Variants in CERS6 observed in about 807,000 individuals in gnomAD.
CERS6 encodes LAG1 homolog, ceramide synthase 6.
A neutral mutation model predicts 56.8 loss-of-function variants in CERS6; 26 were observed. The ratio of observed to expected loss-of-function variants is 0.46; its 90% CI spans 0.34 to 0.63. The LOEUF (loss-of-function observed/expected upper bound fraction) is 0.63, where lower values mean the gene tolerates loss of function less well. CERS6 is among the 30% of genes least tolerant of loss of function. The pLI, the probability that CERS6 is intolerant of heterozygous loss-of-function variation, is 0.01. For missense variants in CERS6, 415 were observed against 467.5 expected (o/e 0.89, Z 1.04); for synonymous variants, 164 against 173.3 (o/e 0.95, Z 0.42).
chr2:168,747,291 A>T (rs1038426169), intron 8 of CERS6, among the ~76,000 whole-genome samples: 1 of 147,660 alleles, frequency 6.8e-6, no homozygotes, highest in South Asian at 2.2e-4. Context: ...GTCTCAACAA[A>T]TTTTTTTTTT....
At chr2:168,595,418 TGAATGTTGAGACACTTTGGG>T (rs1331982610) in intron 3 of CERS6, among the ~76,000 whole-genome samples, 1 of 152,188 alleles carries the variant, frequency 6.6e-6, no homozygotes, top group East Asian at 1.9e-4. Flanking sequence ...AAGGTTAGAT[TGAATGTTGAGACACTTTGGG>T]GAGTGTAAAA....
chr2:168,723,869 A>C (rs954457432), intron 8 of CERS6, among the ~76,000 whole-genome samples: 1 of 152,210 alleles, frequency 6.6e-6, no homozygotes. Flanking sequence ...CCGTAATTAC[A>C]TATCTTTTTG....
chr2:168,568,617 A>T (rs902094920), intron 3 of CERS6, among the ~76,000 whole-genome samples: 11 of 152,230 alleles, frequency 7.2e-5, no homozygotes, highest in Non-Finnish European at 1.5e-5. Context: ...CTTACACATC[A>T]TGTGTGTCTG....
intron 6 of CERS6, among the ~76,000 whole-genome samples, chr2:168,697,075 C>T (rs1686670207): frequency 6.6e-6 from 1 of 152,148 alleles, no homozygotes; most frequent in Admixed American, 6.5e-5. Context: ...AGTCTGTGGG[C>T]CTACTACTAC....
chr2:168,744,000 T>C (rs1356929510), intron 8 of CERS6, among the ~76,000 whole-genome samples: 28 of 129,150 alleles, frequency 2.2e-4, no homozygotes, highest in Non-Finnish European at 3.0e-4. Context: ...TTTTTCTTTT[T>C]TTTTTTTTTT....
intron 3 of CERS6, among the ~76,000 whole-genome samples, chr2:168,582,759 T>C (rs1683448801): frequency 6.6e-6 from 1 of 152,210 alleles, no homozygotes; most frequent in African/African-American, 2.4e-5. Context: ...TGCAGTTTAC[T>C]GAAATTGCAT....
intron 4 of CERS6, among the ~76,000 whole-genome samples, chr2:168,649,539 G>A (rs1183019468): frequency 1.3e-5 from 2 of 152,100 alleles, no homozygotes. Context: ...AGTATGCAGT[G>A]TCCAGAAATT....
At chr2:168,457,045 C>G (rs2105312871) in intron 1 of CERS6, among the ~76,000 whole-genome samples, 1 of 152,344 alleles carries the variant, frequency 6.6e-6, no homozygotes. Flanking sequence ...CAGCCAGGAA[C>G]GTTCCGGACG....
intron 3 of CERS6, among the ~76,000 whole-genome samples, chr2:168,614,134 T>G (rs1381002166): frequency 6.6e-6 from 1 of 152,254 alleles, no homozygotes; most frequent in African/African-American, 2.4e-5. Flanking sequence ...AAGAGCATCT[T>G]CTCAAATAGA....
chr2:168,743,995 C>CTTTTTTTTTTTTTT (rs58256507), intron 8 of CERS6, among the ~76,000 whole-genome samples: 17 of 63,372 alleles, frequency 2.7e-4, no homozygotes, highest in Admixed American at 6.9e-4. Flanking sequence ...TCTTTTTTTT[C>CTTTTTTTTTTTTTT]TTTTTTTTTT....
intron 7 of CERS6, 74 bp downstream of exon 7, chr2:168,715,203 G>A (rs2105389448): frequency 7.4e-7 from 1 of 1,354,590 alleles, no homozygotes; most frequent in Non-Finnish European, 1.0e-6. Context: ...TAGCTCTTCA[G>A]TGTTATGCTA....
chr2:168,735,291 CAA>C (rs879553595), intron 8 of CERS6, among the ~76,000 whole-genome samples: 6 of 133,994 alleles, frequency 4.5e-5, no homozygotes, highest in Admixed American at 7.4e-5. Flanking sequence ...CACACCCCTG[CAA>C]AAAAAAAAAA....
intron 1 of CERS6, 50 bp from the exon 2 acceptor site, chr2:168,547,546 T>C (rs765931883): frequency 4.3e-6 from 5 of 1,162,652 alleles, no homozygotes; most frequent in Non-Finnish European, 6.3e-6. Context: ...AAGAATCACA[T>C]AGAAAGAATA....
intron 8 of CERS6, among the ~76,000 whole-genome samples, chr2:168,732,257 A>G (rs1450278684): frequency 6.6e-6 from 1 of 152,200 alleles, no homozygotes; most frequent in East Asian, 1.9e-4. Flanking sequence ...TTTGGTAATC[A>G]TTCCTTTCCT....
At chr2:168,685,454 C>T (rs764404046) in intron 4 of CERS6, among the ~76,000 whole-genome samples, 4 of 152,098 alleles carry the variant, frequency 2.6e-5, no homozygotes, top group South Asian at 4.1e-4. Flanking sequence ...GCTTCAAAAT[C>T]GCTATCTCTT....
At chr2:168,725,409 G>A (rs1215723414) in intron 8 of CERS6, among the ~76,000 whole-genome samples, 1 of 152,276 alleles carries the variant, frequency 6.6e-6, no homozygotes, top group African/African-American at 2.4e-5. Flanking sequence ...AGGCACAGGA[G>A]GCGCCGAGAG....
intron 1 of CERS6, among the ~76,000 whole-genome samples, chr2:168,538,579 A>G (rs1447516054): frequency 1.3e-5 from 2 of 152,032 alleles, no homozygotes; most frequent in Non-Finnish European, 2.9e-5. Flanking sequence ...AGCAGGCTGT[A>G]TTTTTCTCTC....
At chr2:168,739,052 A>ATTTTTTTTTTTTTTTTTTTTT (rs59967315) in intron 8 of CERS6, among the ~76,000 whole-genome samples, 1 of 87,624 alleles carries the variant, frequency 1.1e-5, no homozygotes, top group Non-Finnish European at 2.0e-5. Context: ...CACCCGGCTA[A>ATTTTTTTTTTTTTTTTTTTTT]TTTTTTTTTT....
At chr2:168,769,008 TA>T (rs1419071193) in intron 9 of CERS6, among the ~76,000 whole-genome samples, 1 of 148,738 alleles carries the variant, frequency 6.7e-6, no homozygotes, top group African/African-American at 2.5e-5. Context: ...ATACAAAAAA[TA>T]GAAATGTAAT....
Sources: gnomAD v4.1 joint callset for allele counts (sites outside exome capture counted in the v4.1 genomes callset) on GRCh38, gnomAD v4.1.1 for gene constraint, MANE v1.5 for transcripts, NCBI Gene and HGNC (gene_info 2026-07-23, HGNC 2026-07-21) for gene names.